Variants in AOPEP observed in about 807,000 individuals in gnomAD.
The protein encoded by AOPEP is aminopeptidase O (putative).
A neutral mutation model predicts 98.1 loss-of-function variants in AOPEP; 77 were observed. The ratio of observed to expected loss-of-function variants is 0.78; its 90% CI spans 0.65 to 0.95. The LOEUF (loss-of-function observed/expected upper bound fraction) is 0.95. Ranked by LOEUF, AOPEP falls within the 40% of genes least tolerant of loss-of-function variation. AOPEP has a pLI of 0.00. For missense variants in AOPEP, 1,024 were observed against 1,024.7 expected, an observed-to-expected ratio of 1.00 and a Z score of 0.01; for synonymous variants, 346 against 365.3, an observed-to-expected ratio of 0.95 and a Z score of 0.60.
At chr9:95,126,568 C>A in the AOPEP span, 1 of 1,614,038 alleles carries the variant, frequency 6.2e-7, no homozygotes, top group Non-Finnish European at 8.5e-7. Flanking sequence ...GGCAGGGTGG[C>A]AGGCTGCTTG....
chr9:94,760,220 T>G lies in AOPEP; in HGVS notation c.437T>G (p.Leu146Trp). ...NHGSEDFLLV[L>W]DCCDLSVLKV... Reference sequence around the variant, plus strand: ...GGGAGTGAGGATTTTTTGCTAGTGTTGGACTGCTGTGATTTATCTGTGTTA... The same window carrying G: ...GGGAGTGAGGATTTTTTGCTAGTGTGGGACTGCTGTGATTTATCTGTGTTA... The change falls in exon 2 of 17, where the codon TTG (leucine) becomes TGG (tryptophan). Residue 146 changes from leucine (L) to tryptophan (W), a missense_variant. This residue lies in a region of AOPEP where 440 missense variants were observed against 433.8 expected (regional missense o/e 1.01). Transcript: ENST00000375315. 2.5e-6 allele frequency: 4 copies of G among 1,614,214 alleles called. No homozygotes were observed. The highest frequency in any genetic ancestry group is 3.4e-6 in the Non-Finnish European group (4 of 1,180,036).
chr9:95,082,833 C>G (rs1009821755), intron 16 of AOPEP, 114 bp downstream of exon 16: 1 of 1,246,130 alleles, frequency 8.0e-7, no homozygotes, highest in Admixed American at 2.0e-5. Context: ...CATCAATAGT[C>G]GGCTCCCTGG....
intron 11 of AOPEP, among the ~76,000 whole-genome samples, chr9:95,002,540 T>G (rs1336044009): frequency 1.3e-5 from 2 of 152,220 alleles, no homozygotes; most frequent in Non-Finnish European, 2.9e-5. Context: ...TGCAATATGT[T>G]AAATATGGGG....
chr9:94,730,140 T>C (rs1830172017), intron 1 of AOPEP, among the ~76,000 whole-genome samples: 1 of 151,904 alleles, frequency 6.6e-6, no homozygotes. Flanking sequence ...AAAAATTAGC[T>C]GGGCGTGGTG....
the AOPEP span, among the ~76,000 whole-genome samples, chr9:95,096,358 G>A: frequency 2.6e-5 from 4 of 152,142 alleles, no homozygotes; most frequent in South Asian, 8.3e-4. Flanking sequence ...AAAGGGAGGG[G>A]TCAAGAGTGG....
At chr9:94,811,283 A>C (rs1588337281) in intron 5 of AOPEP, among the ~76,000 whole-genome samples, 1 of 152,308 alleles carries the variant, frequency 6.6e-6, no homozygotes, top group Admixed American at 6.5e-5. Flanking sequence ...GGGCACACCC[A>C]CCTGGAAGAT....
chr9:95,098,896 G>A, the AOPEP span, among the ~76,000 whole-genome samples: 7 of 152,110 alleles, frequency 4.6e-5, no homozygotes, highest in African/African-American at 1.7e-4. Context: ...TTAGTTTTTA[G>A]GTATTTAGTA....
At chr9:94,981,992 A>C (rs557511938) in intron 11 of AOPEP, among the ~76,000 whole-genome samples, 3 of 152,342 alleles carry the variant, frequency 2.0e-5, no homozygotes, top group Non-Finnish European at 2.9e-5. Flanking sequence ...CTTCAGTAAA[A>C]GTGAGCATGA....
At chr9:95,070,800 T>A (rs577155793) in intron 14 of AOPEP, among the ~76,000 whole-genome samples, 64 of 152,248 alleles carry the variant, frequency 4.2e-4, no homozygotes, top group Non-Finnish European at 8.4e-4. Flanking sequence ...TGGGAGCTGA[T>A]CTCTGGGCTG....
chr9:95,056,419 A>T (rs1484200341), intron 13 of AOPEP: 4 of 152,346 alleles, frequency 2.6e-5, no homozygotes, highest in Admixed American at 6.5e-5. Context: ...CAGTCATGGG[A>T]CATGTCCGTG....
At chr9:94,837,201 A>G (rs1436835246) in intron 5 of AOPEP, among the ~76,000 whole-genome samples, 1 of 152,196 alleles carries the variant, frequency 6.6e-6, no homozygotes, top group Non-Finnish European at 1.5e-5. Context: ...CCTAGCTTCA[A>G]TCAGGAAGAA....
chr9:94,806,111 A>G (rs1849211889), intron 5 of AOPEP, among the ~76,000 whole-genome samples: 1 of 152,206 alleles, frequency 6.6e-6, no homozygotes. Context: ...CCCTGATTTC[A>G]AGGCAAGATG....
chr9:94,980,218 C>A lies in AOPEP; in HGVS notation c.1977+791C>A, dbSNP rs1001516746. Among the ~76,000 whole-genome samples the A allele has an allele frequency of 7.2e-5, 11 of 152,236 alleles. No homozygotes were observed. The highest frequency in any genetic ancestry group is 1.6e-4 in the Non-Finnish European group (11 of 68,042). Reference sequence around the variant, plus strand: ...CAAATCAAATGCTGGCCATGGCAAGCCTAGGCCCTGGGAAGTCTGAGGGTG... The same window carrying A: ...CAAATCAAATGCTGGCCATGGCAAGACTAGGCCCTGGGAAGTCTGAGGGTG... On this transcript the variant is annotated intron_variant, in intron 11 of 16. Coordinates refer to ENST00000375315, the MANE Select transcript of AOPEP (RefSeq NM_001193329.3). This position sits in a 1 kb window ranked among gnomAD's most constrained non-coding sequence, Gnocchi z 4.3.
intron 7 of AOPEP, among the ~76,000 whole-genome samples, chr9:94,935,548 G>A (rs2137240620): frequency 6.6e-6 from 1 of 152,236 alleles, no homozygotes; most frequent in Non-Finnish European, 1.5e-5. Flanking sequence ...TGGACCCCCA[G>A]GGTGCATGTA....
chr9:94,747,900 T>C (rs1279764339), intron 1 of AOPEP, among the ~76,000 whole-genome samples: 1 of 152,212 alleles, frequency 6.6e-6, no homozygotes, highest in Non-Finnish European at 1.5e-5. Flanking sequence ...GTAGATATTT[T>C]GGAGGGATGG....
chr9:95,036,699 C>CTTTTT (rs1459675024), intron 13 of AOPEP, among the ~76,000 whole-genome samples: 1 of 38,148 alleles, frequency 2.6e-5, no homozygotes, highest in African/African-American at 5.1e-5. Flanking sequence ...CTTTCTTCTT[C>CTTTTT]TTCTTTTTTT....
intron 6 of AOPEP, among the ~76,000 whole-genome samples, chr9:94,926,943 TA>T (rs987543116): frequency 6.6e-6 from 1 of 152,208 alleles, no homozygotes; most frequent in Admixed American, 6.5e-5. Flanking sequence ...GGAGAAAGTC[TA>T]AATGCCTTCA....
chr9:95,031,792 G>C (rs530596771), intron 13 of AOPEP, among the ~76,000 whole-genome samples: 2 of 152,184 alleles, frequency 1.3e-5, no homozygotes, highest in Admixed American at 6.5e-5. Flanking sequence ...ATGTGTCCCA[G>C]TTCAAACAAG....
At chr9:94,771,798 A>C (rs1840949629) in intron 2 of AOPEP, among the ~76,000 whole-genome samples, 1 of 152,066 alleles carries the variant, frequency 6.6e-6, no homozygotes, top group Admixed American at 6.5e-5. Context: ...ATAACCCAGT[A>C]ATCACCCAGC....
Sources: gnomAD v4.1 joint callset for allele counts (sites outside exome capture counted in the v4.1 genomes callset) on GRCh38, gnomAD v4.1.1 for gene constraint, gnomAD v4.1.1 regional missense constraint, Gnocchi (gnomAD v3.1) non-coding constraint, MANE v1.5 for transcripts, NCBI Gene and HGNC (gene_info 2026-07-23, HGNC 2026-07-21) for gene names.